MYLK4: variants seen among roughly 807,000 people sequenced by gnomAD.
MYLK4 encodes caMLCK like.
In MYLK4, 46 loss-of-function variants were observed where a neutral mutation model predicts 48.1. That is an observed-to-expected ratio of 0.96 (90% confidence interval 0.75 to 1.22). The LOEUF (loss-of-function observed/expected upper bound fraction) is 1.22. Among genes scored for constraint, MYLK4 ranks in the 50% most tolerant of loss-of-function variants. The pLI, the probability that MYLK4 is intolerant of heterozygous loss-of-function variation, is 0.00. For synonymous variants in MYLK4, 170 were observed against 180.8 expected (o/e 0.94, Z 0.48); for missense variants, 451 against 486.1 (o/e 0.93, Z 0.68).
the MYLK4 span, among the ~76,000 whole-genome samples, chr6:2,762,903 C>G: frequency 3.3e-5 from 5 of 152,194 alleles, no homozygotes; most frequent in African/African-American, 7.2e-5. Context: ...AATAAAGCTA[C>G]AAGTCTCCAC....
intron 2 of MYLK4, among the ~76,000 whole-genome samples, chr6:2,746,989 A>C (rs143818350): frequency 6.6e-6 from 1 of 152,326 alleles, no homozygotes; most frequent in East Asian, 1.9e-4. Context: ...GCACCTATCC[A>C]TTCTCCACGT....
chr6:2,749,114 G>A lies in MYLK4; in HGVS notation c.159+22C>T, dbSNP rs1309964569. Reference sequence around the variant, plus strand: ...AAGATAGAATGAATACTTTTTAGGAGACTAAATTAGAACATGATTACCTCA... The same window carrying A: ...AAGATAGAATGAATACTTTTTAGGAAACTAAATTAGAACATGATTACCTCA... On this transcript the variant is annotated intron_variant, in intron 2 of 12. Transcript: ENST00000274643. 3 of 1,605,696 alleles carry A rather than the reference G, an allele frequency of 1.9e-6. No homozygotes were observed. The African/African-American group carries it at 4.0e-5, about 22-fold the overall frequency.
At chr6:2,766,193 G>A in the MYLK4 span, 2 of 1,398,992 alleles carry the variant, frequency 1.4e-6, no homozygotes, top group Non-Finnish European at 9.3e-7. Flanking sequence ...GCACTGGGAC[G>A]CGGACGCTGC....
chr6:2,749,109 T>C, intron 2 of MYLK4, 27 bp downstream of exon 2: 2 of 1,602,820 alleles, frequency 1.2e-6, no homozygotes, highest in African/African-American at 1.3e-5. Flanking sequence ...GAATACTTTT[T>C]AGGAGACTAA....
At chr6:2,711,852 C>T (rs1762686339) in intron 2 of MYLK4, among the ~76,000 whole-genome samples, 1 of 151,856 alleles carries the variant, frequency 6.6e-6, no homozygotes, top group South Asian at 2.1e-4. Flanking sequence ...CTAAGCATTT[C>T]ATCCAAAAAA....
At chr6:2,683,262 A>G in intron 6 of MYLK4, 100 bp from the exon 7 acceptor site, 1 of 1,306,954 alleles carries the variant, frequency 7.7e-7, no homozygotes, top group Non-Finnish European at 1.1e-6. Context: ...ACCTCTTCTG[A>G]AAGGTGTATG....
intron 2 of MYLK4, among the ~76,000 whole-genome samples, chr6:2,720,205 C>T (rs1233621438): frequency 6.6e-6 from 1 of 151,826 alleles, no homozygotes; most frequent in Non-Finnish European, 1.5e-5. Context: ...GAGATCGAGA[C>T]CATCCTGGCC....
At chr6:2,671,191 A>G in intron 12 of MYLK4, 85 bp downstream of exon 12, 2 of 951,942 alleles carry the variant, frequency 2.1e-6, no homozygotes, top group Admixed American at 4.2e-5. Context: ...CTTCCTGCAT[A>G]GTCTGTGAGC....
the MYLK4 span, among the ~76,000 whole-genome samples, chr6:2,756,368 A>G: frequency 1.8e-4 from 27 of 152,224 alleles, no homozygotes; most frequent in African/African-American, 6.3e-4. Context: ...TGTACTTTTG[A>G]TATGTCATTA....
chr6:2,752,305 T>C (rs1440267305), upstream of MYLK4, among the ~76,000 whole-genome samples: 2 of 152,198 alleles, frequency 1.3e-5, no homozygotes, highest in Admixed American at 1.3e-4. Context: ...GTTTTTAACA[T>C]CTTACGTTGG....
the MYLK4 span, chr6:2,766,350 G>T: frequency 6.2e-7 from 1 of 1,610,388 alleles, no homozygotes; most frequent in Non-Finnish European, 8.5e-7. Flanking sequence ...TTCGGGCAGA[G>T]CAAGGCCGTG....
rs1006599779 is a variant in MYLK4 at position 2,664,979 on chromosome 6, G to C, written c.*2946C>G. Reference sequence around the variant, plus strand: ...TGCCTTCTCCTTAATAACTTGCGAGGTTTATTTCTCTCCAGGCAGTGGGAA... The same window carrying C: ...TGCCTTCTCCTTAATAACTTGCGAGCTTTATTTCTCTCCAGGCAGTGGGAA... On this transcript the variant is annotated 3_prime_UTR_variant, in exon 13 of 13. Coordinates refer to ENST00000274643, the MANE Select transcript of MYLK4 (RefSeq NM_001012418.5). The C allele has an allele frequency of 6.6e-6, 1 of 152,192 alleles. No individual in the cohort carries two copies. Among genetic ancestry groups the C allele is most frequent in the Admixed American group, 6.5e-5 (1 of 15,276 alleles). The allele number at this position is 152,192 out of a possible 1,614,324, so 9.4% of individuals were successfully genotyped here.
chr6:2,731,615 G>T (rs141230866), intron 2 of MYLK4, among the ~76,000 whole-genome samples: 11 of 152,228 alleles, frequency 7.2e-5, no homozygotes, highest in East Asian at 5.8e-4. Flanking sequence ...ACCTGCTCTG[G>T]TCTTAACCCT....
the MYLK4 span, among the ~76,000 whole-genome samples, chr6:2,761,700 G>A: frequency 6.6e-6 from 1 of 152,140 alleles, no homozygotes; most frequent in Non-Finnish European, 1.5e-5. Context: ...ACTATGGACA[G>A]CTCAAAACCC....
At chr6:2,766,459 G>A in the MYLK4 span, 7 of 1,502,224 alleles carry the variant, frequency 4.7e-6, no homozygotes, top group East Asian at 1.8e-4. Flanking sequence ...GTGCGGCCTT[G>A]GCCGTTGGGC....
rs1461938551 is a variant in MYLK4 at position 2,663,734 on chromosome 6, A to G, written c.*4191T>C. On this transcript the variant is annotated 3_prime_UTR_variant, in exon 13 of 13. Transcript: ENST00000274643. ...AAAACAGCTAAATGAAAGTACGTTC[A>G]GAAATTTAAAATATACATGATAGAC... 6.6e-6 allele frequency: 1 copy of G among 152,608 alleles called. No individual in the cohort carries two copies. The highest frequency in any genetic ancestry group is 1.5e-5 in the Non-Finnish European group (1 of 68,056). The allele number at this position is 152,608 out of a possible 1,614,324, so 9.5% of individuals were successfully genotyped here.
intron 10 of MYLK4, among the ~76,000 whole-genome samples, chr6:2,675,337 G>A (rs2113096515): frequency 6.6e-6 from 1 of 152,160 alleles, no homozygotes; most frequent in Admixed American, 6.5e-5. Context: ...AGACAAACAA[G>A]GCAAATAATA....
intron 2 of MYLK4, among the ~76,000 whole-genome samples, chr6:2,708,799 C>G (rs1251039899): frequency 6.6e-6 from 1 of 152,174 alleles, no homozygotes; most frequent in East Asian, 1.9e-4. Context: ...CCTTTTGCGT[C>G]TCCGTATATT....
intron 10 of MYLK4, among the ~76,000 whole-genome samples, chr6:2,676,911 G>A (rs759367308): frequency 1.2e-4 from 19 of 152,158 alleles, no homozygotes; most frequent in Middle Eastern, 3.2e-3. Flanking sequence ...TGGACTTCTC[G>A]TCCTCCAAAG....
Sources: gnomAD v4.1 joint callset for allele counts (sites outside exome capture counted in the v4.1 genomes callset) on GRCh38, gnomAD v4.1.1 for gene constraint, MANE v1.5 for transcripts, NCBI Gene and HGNC (gene_info 2026-07-23, HGNC 2026-07-21) for gene names.